KCNU1: variants seen among roughly 807,000 people sequenced by gnomAD.
The protein encoded by KCNU1 is potassium channel subfamily U member 1.
KCNU1 carries 93 observed loss-of-function variants against 126.8 expected under a neutral mutation model. The ratio of observed to expected loss-of-function variants is 0.73; its 90% CI spans 0.62 to 0.87. The LOEUF is 0.87. Among genes scored for constraint, KCNU1 ranks in the 40% least tolerant of loss-of-function variants. KCNU1 has a pLI of 0.00. For missense variants in KCNU1, 1,330 were observed against 1,367.1 expected (o/e 0.97, Z 0.43); for synonymous variants, 523 against 494.2 (o/e 1.06, Z -0.77).
Position 36,817,116 on chromosome 8 carries a change from T to A in KCNU1, c.996-534T>A, listed in dbSNP as rs150390884. ...GGTGCAATTTAAATGTTTGGCTTCA[T>A]ATTCTACTTGAGATGAGATAGAAGA... On this transcript the variant is annotated intron_variant, in intron 9 of 26. Coordinates refer to ENST00000399881, the MANE Select transcript of KCNU1 (RefSeq NM_001031836.3). Among the ~76,000 whole-genome samples the A allele has an allele frequency of 4.6e-5, 7 of 152,348 alleles. No individual in the cohort carries two copies. The East Asian group carries it at 1.3e-3, about 29-fold the overall frequency.
chr8:36,787,700 TTAA>T (rs1184200258), intron 2 of KCNU1, among the ~76,000 whole-genome samples: 4 of 148,002 alleles, frequency 2.7e-5, no homozygotes, highest in South Asian at 2.1e-4. Flanking sequence ...TGATATGTTG[TTAA>T]TAATGTTATA....
At chr8:36,825,622 C>T (rs1255495665) in intron 10 of KCNU1, among the ~76,000 whole-genome samples, 2 of 152,136 alleles carry the variant, frequency 1.3e-5, no homozygotes, top group East Asian at 1.9e-4. Context: ...GAAGTCTAGG[C>T]TTTTAGTGTA....
intron 19 of KCNU1, among the ~76,000 whole-genome samples, chr8:36,905,476 T>A (rs957435044): frequency 8.1e-6 from 1 of 123,646 alleles, no homozygotes; most frequent in African/African-American, 3.0e-5. Flanking sequence ...AAAAAAAAAA[T>A]CCTGATGTGG....
chr8:36,917,902 T>TA (rs1808179634), intron 22 of KCNU1, among the ~76,000 whole-genome samples: 1 of 151,954 alleles, frequency 6.6e-6, no homozygotes, highest in Non-Finnish European at 1.5e-5. Context: ...AGCTCAGGCT[T>TA]TAAGAAACCC....
intron 12 of KCNU1, among the ~76,000 whole-genome samples, chr8:36,835,525 G>A (rs1421159619): frequency 6.6e-6 from 1 of 151,954 alleles, no homozygotes; most frequent in Non-Finnish European, 1.5e-5. Context: ...ATTTTTAGTA[G>A]AGATGGGGTT....
At chr8:36,792,448 A>G (rs947189824) in intron 2 of KCNU1, among the ~76,000 whole-genome samples, 1 of 152,230 alleles carries the variant, frequency 6.6e-6, no homozygotes, top group African/African-American at 2.4e-5. Context: ...AAATAGGGAT[A>G]GACCCTGCGA....
chr8:36,906,443 C>T (rs1167693273), intron 20 of KCNU1, among the ~76,000 whole-genome samples: 1 of 152,072 alleles, frequency 6.6e-6, no homozygotes, highest in East Asian at 1.9e-4. Flanking sequence ...TGTATCCTAA[C>T]CCAGGGTCTG....
At chr8:36,826,112 C>T (rs542277465) in intron 10 of KCNU1, among the ~76,000 whole-genome samples, 33 of 151,870 alleles carry the variant, frequency 2.2e-4, no homozygotes, top group African/African-American at 7.0e-4. Context: ...TTCTCCTTTT[C>T]TTCCGGGATT....
intron 22 of KCNU1, among the ~76,000 whole-genome samples, chr8:36,917,750 G>A (rs1248656074): frequency 6.6e-6 from 1 of 152,064 alleles, no homozygotes; most frequent in Non-Finnish European, 1.5e-5. Flanking sequence ...ACATGATAAA[G>A]CTGTATCAGG....
rs749940668 is a variant in KCNU1 at position 36,864,502 on chromosome 8, A to G, written c.1990A>G (p.Ile664Val). 79 of 1,609,294 alleles carry G rather than the reference A, an allele frequency of 4.9e-5. No individual in the cohort carries two copies. The highest frequency in any genetic ancestry group is 6.5e-5 in the Non-Finnish European group (76 of 1,175,872). Residue 664 changes from isoleucine (I) to valine (V), a missense_variant, in exon 19 of 27, where the codon ATA becomes GTA. Coordinates refer to ENST00000399881, the MANE Select transcript of KCNU1 (RefSeq NM_001031836.3). Reference protein sequence around the residue: ...PPRVSASTSSISNFTTRTLQH... With the variant: ...PPRVSASTSSVSNFTTRTLQH... ...AAGGGTATCTGCAAGCACTTCGAGC[A>G]TATCAAACTTCACCACCAGGTAAAA...
chr8:36,827,272 T>A (rs890342266), intron 10 of KCNU1, among the ~76,000 whole-genome samples: 2 of 152,240 alleles, frequency 1.3e-5, no homozygotes, highest in African/African-American at 4.8e-5. Context: ...ACAGCCGAAT[T>A]ATAAGCTAGT....
chr8:36,930,053 C>T (rs958427459), intron 24 of KCNU1, among the ~76,000 whole-genome samples: 6 of 151,874 alleles, frequency 4.0e-5, no homozygotes, highest in African/African-American at 1.2e-4. Context: ...ATTATAAAAA[C>T]AAAATGATTG....
intron 22 of KCNU1, among the ~76,000 whole-genome samples, chr8:36,918,620 T>A (rs1585564418): frequency 2.0e-5 from 3 of 148,478 alleles, no homozygotes; most frequent in Admixed American, 2.0e-4. Context: ...ACATACACAC[T>A]CCCCTCCCCA....
chr8:36,902,997 A>T (rs1441212798), intron 19 of KCNU1, among the ~76,000 whole-genome samples: 1 of 152,140 alleles, frequency 6.6e-6, no homozygotes, highest in Non-Finnish European at 1.5e-5. Context: ...CACTAAACCC[A>T]CTAAGTTTAT....
rs149877873 is a variant in KCNU1 at position 36,927,545 on chromosome 8, G to T, written c.2737-3406G>T. Among the ~76,000 whole-genome samples, 286 of 152,242 alleles carry T rather than the reference G, an allele frequency of 1.9e-3. 5 individuals are homozygous for T. Among genetic ancestry groups the T allele is most frequent in the Admixed American group, 0.015 (234 of 15,292 alleles). On this transcript the variant is annotated intron_variant, in intron 24 of 26. Coordinates refer to ENST00000399881, the MANE Select transcript of KCNU1 (RefSeq NM_001031836.3). Reference sequence around the variant, plus strand: ...CCACACAAATTACATGACATTCTTAGGGTCACTTGGCTTGTTAGTTGCAGT... The same window carrying T: ...CCACACAAATTACATGACATTCTTATGGTCACTTGGCTTGTTAGTTGCAGT...
intron 12 of KCNU1, among the ~76,000 whole-genome samples, chr8:36,835,405 C>T (rs758824677): frequency 2.7e-5 from 4 of 150,886 alleles, no homozygotes; most frequent in Admixed American, 6.6e-5. Context: ...AGGGCAGTGG[C>T]GTGATCTAGG....
chr8:36,810,516 A>G (rs1027246317), intron 7 of KCNU1, among the ~76,000 whole-genome samples: 5 of 152,244 alleles, frequency 3.3e-5, no homozygotes, highest in Non-Finnish European at 7.3e-5. Context: ...AGTTTCTAGA[A>G]TATTAAAAAC....
At chr8:36,823,790 T>C (rs934853713) in intron 10 of KCNU1, among the ~76,000 whole-genome samples, 1 of 151,536 alleles carries the variant, frequency 6.6e-6, no homozygotes, top group African/African-American at 2.4e-5. Context: ...AGAATGTTTA[T>C]TCACGTCTAA....
intron 19 of KCNU1, among the ~76,000 whole-genome samples, chr8:36,887,442 G>GC (rs1806751643): frequency 8.0e-6 from 1 of 124,988 alleles, no homozygotes; most frequent in African/African-American, 3.1e-5. Context: ...TTGGCCATTT[G>GC]TTTTTTTTTG....
Sources: gnomAD v4.1 joint callset for allele counts (sites outside exome capture counted in the v4.1 genomes callset) on GRCh38, gnomAD v4.1.1 for gene constraint, MANE v1.5 for transcripts, NCBI Gene and HGNC (gene_info 2026-07-23, HGNC 2026-07-21) for gene names.